The following TBC1D22A variants were observed in gnomAD, a reference collection of about 807,000 sequenced individuals.
The protein encoded by TBC1D22A is TBC1 domain family member 22A, also known as putative GTPase activator.
A neutral mutation model predicts 60.2 loss-of-function variants in TBC1D22A; 38 were observed. The ratio of observed to expected loss-of-function variants is 0.63; its 90% CI spans 0.49 to 0.83. The LOEUF (loss-of-function observed/expected upper bound fraction) is 0.83, where lower values mean the gene tolerates loss of function less well. Ranked by LOEUF, TBC1D22A falls within the 40% of genes least tolerant of loss-of-function variation. The probability of loss-of-function intolerance (pLI) is 0.00; values close to 1 mark genes in which losing one functional copy is unlikely to be tolerated. For synonymous variants in TBC1D22A, 302 were observed against 281.7 expected (o/e 1.07, Z -0.72); for missense variants, 628 against 701.0 (o/e 0.90, Z 1.18).
chr22:46,925,642 A>T (rs1168907587), intron 8 of TBC1D22A, among the ~76,000 whole-genome samples: 1 of 152,250 alleles, frequency 6.6e-6, no homozygotes, highest in African/African-American at 2.4e-5. Context: ...TATATTATGC[A>T]TGCACATTTC....
chr22:46,946,640 G>A (rs1453494064), intron 8 of TBC1D22A, among the ~76,000 whole-genome samples: 1 of 152,220 alleles, frequency 6.6e-6, no homozygotes, highest in Admixed American at 6.5e-5. Flanking sequence ...TGCGGGCACT[G>A]GGCTCCTGTT....
chr22:47,085,936 A>G (rs1225241566), intron 11 of TBC1D22A, among the ~76,000 whole-genome samples: 1 of 152,244 alleles, frequency 6.6e-6, no homozygotes, highest in Non-Finnish European at 1.5e-5. Context: ...GTACATGTGC[A>G]CTGATGAATG....
At chr22:46,834,336 A>C (rs2086430896) in intron 4 of TBC1D22A, among the ~76,000 whole-genome samples, 1 of 152,162 alleles carries the variant, frequency 6.6e-6, no homozygotes, top group African/African-American at 2.4e-5. Context: ...ACCCCTGTGG[A>C]GCACAGGAGT....
At chr22:46,938,070 A>C (rs549414845) in intron 8 of TBC1D22A, among the ~76,000 whole-genome samples, 19 of 152,350 alleles carry the variant, frequency 1.2e-4, no homozygotes, top group African/African-American at 4.6e-4. Flanking sequence ...CTAAGTGCAC[A>C]GTGCTCGTGA....
intron 10 of TBC1D22A, among the ~76,000 whole-genome samples, chr22:47,019,860 A>G (rs996277391): frequency 7.2e-6 from 1 of 138,776 alleles, no homozygotes; most frequent in African/African-American, 2.8e-5. Flanking sequence ...TTAACTCTTC[A>G]TCCTTCCCCT....
At chr22:46,869,719 G>A (rs139671131) in intron 4 of TBC1D22A, among the ~76,000 whole-genome samples, 226 of 152,302 alleles carry the variant, frequency 1.5e-3, no homozygotes, top group African/African-American at 5.3e-3. Flanking sequence ...CAGTGCACAT[G>A]CATTTCTTAC....
chr22:47,126,541 G>T (rs904145702), intron 12 of TBC1D22A, among the ~76,000 whole-genome samples: 9 of 152,358 alleles, frequency 5.9e-5, no homozygotes, highest in African/African-American at 1.7e-4. Flanking sequence ...CTCCCTGAGC[G>T]CATCTCACTC....
In TBC1D22A at chr22:46,877,948, C is replaced by T. The variant is rs76975190; in HGVS notation, c.638-705C>T. Among the ~76,000 whole-genome samples the T allele has an allele frequency of 7.1e-4, 108 of 152,298 alleles. 1 individual carries two copies. The highest frequency in any genetic ancestry group is 2.5e-3 in the African/African-American group (102 of 41,564). ...CCCCTCTGCCTGATGCTTGTCCTTC[C>T]CTGCCCTTGGAGGTGCTGGACCTTG... On this transcript the variant is annotated intron_variant, in intron 4 of 12. Coordinates refer to ENST00000337137, the MANE Select transcript of TBC1D22A (RefSeq NM_014346.5).
chr22:47,004,325 C>A (rs1188753419), intron 10 of TBC1D22A, among the ~76,000 whole-genome samples: 1 of 148,174 alleles, frequency 6.7e-6, no homozygotes, highest in South Asian at 2.2e-4. Flanking sequence ...ATACACACAC[C>A]CCTATATACA....
chr22:47,158,157 C>G lies in TBC1D22A; in HGVS notation c.1426-15341C>G, dbSNP rs145114226. Among the ~76,000 whole-genome samples the G allele has an allele frequency of 3.0e-4, 46 of 152,334 alleles. 3 individuals are homozygous for G. The East Asian group carries it at 8.9e-3, about 29-fold the overall frequency. On this transcript the variant is annotated intron_variant, in intron 12 of 12. Transcript: ENST00000337137. ...CTCTGGCTCGTGTGGGTTCTGCACCCAGCCCCTCCCTGACCTGGGGTCCAG... is the reference window on the plus strand; with the variant it reads ...CTCTGGCTCGTGTGGGTTCTGCACCGAGCCCCTCCCTGACCTGGGGTCCAG...
chr22:47,010,895 C>T (rs1569334515), intron 10 of TBC1D22A, among the ~76,000 whole-genome samples: 1 of 152,156 alleles, frequency 6.6e-6, no homozygotes, highest in Non-Finnish European at 1.5e-5. Context: ...TAGGAATATA[C>T]ACCTGGGTTC....
Position 46,974,331 on chromosome 22 carries a change from G to T in TBC1D22A, c.1057G>T (p.Ala353Ser), listed in dbSNP as rs148990656. ...VDTVDVSGVP[A>S]EVLCNIEADT... ...CACGGTGGACGTCTCCGGCGTGCCCGCAGAGGTGCTGTGCAACATCGAGGC... is the reference window on the plus strand; with the variant it reads ...CACGGTGGACGTCTCCGGCGTGCCCTCAGAGGTGCTGTGCAACATCGAGGC... The change falls in exon 9 of 13, where the codon GCA becomes TCA. Residue 353 changes from alanine to serine, a missense_variant. Transcript: ENST00000337137. 10 of 1,608,242 alleles carry T rather than the reference G, an allele frequency of 6.2e-6. No individual in the cohort carries two copies. The highest frequency in any genetic ancestry group is 1.7e-5 in the Admixed American group (1 of 59,334).
intron 11 of TBC1D22A, among the ~76,000 whole-genome samples, chr22:47,047,746 G>A (rs4484): frequency 0.69 from 104,824 of 152,174 alleles, 36,671 homozygotes; most frequent in East Asian, 0.92. Context: ...TGTGTGGAGG[G>A]TTCAGAGCTG....
chr22:46,796,893 C>A (rs974247262), intron 3 of TBC1D22A, among the ~76,000 whole-genome samples: 1 of 152,196 alleles, frequency 6.6e-6, no homozygotes, highest in East Asian at 1.9e-4. Flanking sequence ...ACTGGTGAGA[C>A]CCAGGAGGGC....
intron 8 of TBC1D22A, among the ~76,000 whole-genome samples, chr22:46,955,515 G>A (rs560480109): frequency 3.9e-5 from 6 of 152,206 alleles, no homozygotes; most frequent in African/African-American, 1.4e-4. Context: ...TCGTTTGTGT[G>A]TGTGTGGTAG....
At chr22:47,112,280 G>T (rs1174998473) in intron 12 of TBC1D22A, among the ~76,000 whole-genome samples, 1 of 152,224 alleles carries the variant, frequency 6.6e-6, no homozygotes, top group East Asian at 1.9e-4. Context: ...GTGCGGGCTG[G>T]GAAGTCCTTC....
At chr22:47,037,365 C>T (rs1157508197) in intron 11 of TBC1D22A, among the ~76,000 whole-genome samples, 167 bp downstream of exon 11, 1 of 152,142 alleles carries the variant, frequency 6.6e-6, no homozygotes, top group South Asian at 2.1e-4. Context: ...CGCGGTGGCT[C>T]ATGCCTGTAA....
At chr22:46,959,233 G>C (rs1317733987) in intron 8 of TBC1D22A, among the ~76,000 whole-genome samples, 1 of 152,212 alleles carries the variant, frequency 6.6e-6, no homozygotes, top group African/African-American at 2.4e-5. Flanking sequence ...TGGATGATGA[G>C]TTTGTGAGGA....
chr22:47,062,087 CAAAAAAAAA>C lies in TBC1D22A; in HGVS notation c.1329+24902_1329+24910del, dbSNP rs908701365. On this transcript the variant is annotated intron_variant, in intron 11 of 12. Transcript: ENST00000337137. The stretch of plus-strand genomic sequence containing the variant: ...TGGGCGACAGAGCAAGACTCCATCT[CAAAAAAAAA>C]AAAAAAAAAAAAGACAATGTGACAA... 5.7e-3 allele frequency among the ~76,000 whole-genome samples: 361 copies of C among 63,020 alleles called. 11 individuals are homozygous for C. In the Admixed American group the frequency reaches 0.074, roughly 13 times the overall value. 41.3% of individuals were successfully genotyped at this position (63,020 alleles called of 152,430 possible).
Sources: allele counts gnomAD v4.1 joint callset (sites outside exome capture counted in the v4.1 genomes callset), GRCh38; gene constraint gnomAD v4.1.1; transcripts MANE v1.5; gene names NCBI Gene and HGNC (gene_info 2026-07-23, HGNC 2026-07-21).